The following VWA8 variants were observed in gnomAD, a reference collection of about 807,000 sequenced individuals.
The protein encoded by VWA8 is von Willebrand factor A domain containing 8.
VWA8 carries 221 observed loss-of-function variants against 241.5 expected under a neutral mutation model. The ratio of observed to expected loss-of-function variants is 0.91; its 90% confidence interval spans 0.82 to 1.02. The LOEUF is 1.02. Among genes scored for constraint, VWA8 ranks in the 50% least tolerant of loss-of-function variants. VWA8 has a pLI of 0.00. For missense variants in VWA8, 2,322 were observed against 2,328.7 expected, an observed-to-expected ratio of 1.00 and a Z score of 0.06; for synonymous variants, 852 against 827.1, an observed-to-expected ratio of 1.03 and a Z score of -0.52.
At chr13:41,826,721 A>C (rs1454923659) in intron 14 of VWA8, among the ~76,000 whole-genome samples, 4 of 152,220 alleles carry the variant, frequency 2.6e-5, no homozygotes, top group South Asian at 2.1e-4. Context: ...TGGGAAAAAC[A>C]AAACAAAACG....
At chr13:41,862,574 C>T (rs1013158026) in intron 12 of VWA8, among the ~76,000 whole-genome samples, 1 of 151,546 alleles carries the variant, frequency 6.6e-6, no homozygotes, top group South Asian at 2.1e-4. Context: ...ACATAAAGAA[C>T]AATTCAACAG....
intron 21 of VWA8, among the ~76,000 whole-genome samples, chr13:41,754,343 G>A (rs989295647): frequency 2.6e-5 from 4 of 152,118 alleles, no homozygotes; most frequent in Non-Finnish European, 1.5e-5. Context: ...CACCATGTGA[G>A]ACATGCTGTT....
In VWA8 at chr13:41,833,367, C is replaced by T. The variant is rs1432115828; in HGVS notation, c.1586+4G>A. 1.2e-6 allele frequency: 2 copies of T among 1,603,214 alleles called. No individual in the cohort carries two copies. The highest frequency in any genetic ancestry group is 1.3e-5 in the African/African-American group (1 of 74,662). On this transcript the variant is annotated splice_donor_region_variant and intron_variant, in intron 13 of 44. Transcript: ENST00000379310. Reference sequence around the variant, plus strand: ...TGTGTGTGATTTTTGTGACTCATACCCACCTTTGCAATACAGCAAGCGTGC... The same window carrying T: ...TGTGTGTGATTTTTGTGACTCATACTCACCTTTGCAATACAGCAAGCGTGC...
chr13:41,656,203 T>C (rs2044904000), intron 37 of VWA8, among the ~76,000 whole-genome samples: 1 of 152,214 alleles, frequency 6.6e-6, no homozygotes, highest in African/African-American at 2.4e-5. Flanking sequence ...GCAGAGCAGT[T>C]GAGGGAATGA....
chr13:41,853,938 A>G (rs1005779320), intron 12 of VWA8, among the ~76,000 whole-genome samples: 1 of 152,148 alleles, frequency 6.6e-6, no homozygotes, highest in Non-Finnish European at 1.5e-5. Context: ...ACGATAGGAG[A>G]GACAAATTGC....
chr13:41,674,033 G>C (rs2045043453), intron 36 of VWA8, among the ~76,000 whole-genome samples: 1 of 152,202 alleles, frequency 6.6e-6, no homozygotes, highest in African/African-American at 2.4e-5. Flanking sequence ...ATATAATTAA[G>C]ATGGAATATG....
intron 20 of VWA8, among the ~76,000 whole-genome samples, chr13:41,773,792 T>C (rs755162104): frequency 3.0e-4 from 46 of 152,356 alleles, no homozygotes; most frequent in Middle Eastern, 3.4e-3. Context: ...CAAAGTTATG[T>C]ATGATTTAAT....
chr13:41,661,119 T>C (rs2044947362), intron 37 of VWA8, among the ~76,000 whole-genome samples: 2 of 152,088 alleles, frequency 1.3e-5, no homozygotes, highest in Admixed American at 6.5e-5. Context: ...CCACCTCAGC[T>C]TCCCAAAGTG....
At chr13:41,597,447 A>T (rs1459117737) in intron 40 of VWA8, among the ~76,000 whole-genome samples, 1 of 152,128 alleles carries the variant, frequency 6.6e-6, no homozygotes, top group African/African-American at 2.4e-5. Flanking sequence ...AGTGAAAGAA[A>T]AGAGGAGATA....
chr13:41,594,996 C>A (rs938070972), intron 40 of VWA8, among the ~76,000 whole-genome samples: 22 of 152,076 alleles, frequency 1.4e-4, no homozygotes, highest in Non-Finnish European at 3.2e-4. Context: ...AGGGAGAAAC[C>A]GCTACATTTC....
At chr13:41,860,324 T>G (rs1256445612) in intron 12 of VWA8, among the ~76,000 whole-genome samples, 4 of 152,222 alleles carry the variant, frequency 2.6e-5, no homozygotes, top group African/African-American at 4.8e-5. Flanking sequence ...TCCCAATCTT[T>G]GCAGGACATC....
chr13:41,576,263 AG>A (rs2044349901), intron 42 of VWA8, among the ~76,000 whole-genome samples: 2 of 152,224 alleles, frequency 1.3e-5, no homozygotes, highest in Admixed American at 1.3e-4. Context: ...CTAGAATCTA[AG>A]AGAGTGCCTA....
chr13:41,864,078 T>C (rs1189177467), intron 12 of VWA8, among the ~76,000 whole-genome samples: 1 of 151,122 alleles, frequency 6.6e-6, no homozygotes, highest in Non-Finnish European at 1.5e-5. Flanking sequence ...TCAGTAGTCA[T>C]TAGGGAACTG....
At chr13:41,651,889 C>T (rs1007783583) in intron 37 of VWA8, among the ~76,000 whole-genome samples, 1 of 152,272 alleles carries the variant, frequency 6.6e-6, no homozygotes, top group Middle Eastern at 3.4e-3. Flanking sequence ...CTGCTCCACC[C>T]TGGTGTGAGA....
At chr13:41,880,365 T>TA (rs1161349849) in intron 9 of VWA8, among the ~76,000 whole-genome samples, 3 of 152,154 alleles carry the variant, frequency 2.0e-5, no homozygotes, top group Non-Finnish European at 4.4e-5. Context: ...GATGCCCCTA[T>TA]ACCCCTAAAC....
Position 41,742,661 on chromosome 13 carries a change from T to C in VWA8, c.2427-10506A>G, listed in dbSNP as rs563402216. On this transcript the variant is annotated intron_variant, in intron 21 of 44. Coordinates refer to ENST00000379310, the MANE Select transcript of VWA8 (RefSeq NM_015058.2). ...AAGAAGGATATTTTGGGAAGAGCAA[T>C]GTAATCGATACACTTTATTATTTGT... Among the ~76,000 whole-genome samples the C allele has an allele frequency of 3.5e-4, 54 of 152,352 alleles. No individual in the cohort carries two copies. In the South Asian group the frequency reaches 0.011, roughly 31 times the overall value.
intron 37 of VWA8, among the ~76,000 whole-genome samples, chr13:41,622,597 T>C (rs1028888175): frequency 6.6e-6 from 1 of 152,218 alleles, no homozygotes; most frequent in Admixed American, 6.5e-5. Context: ...CAATCTGCTT[T>C]CTTTTAGGTA....
intron 12 of VWA8, among the ~76,000 whole-genome samples, chr13:41,849,886 CAA>C (rs201079950): frequency 7.6e-6 from 1 of 130,820 alleles, no homozygotes. Context: ...GACTCTGTCT[CAA>C]AAAAAAAAAA....
intron 13 of VWA8, among the ~76,000 whole-genome samples, chr13:41,831,945 T>C (rs144402679): frequency 2.7e-5 from 4 of 148,908 alleles, no homozygotes; most frequent in African/African-American, 1.0e-4. Flanking sequence ...TTTTTCTTTT[T>C]TTTTGAGACA....
Sources: allele counts gnomAD v4.1 joint callset (sites outside exome capture counted in the v4.1 genomes callset), GRCh38; gene constraint gnomAD v4.1.1; transcripts MANE v1.5; gene names NCBI Gene and HGNC (gene_info 2026-07-23, HGNC 2026-07-21).